Variants in TMEM132D observed in about 807,000 individuals in gnomAD.
TMEM132D encodes the protein mature OL transmembrane protein.
TMEM132D carries 21 observed loss-of-function variants against 62.3 expected under a neutral mutation model. The observed-to-expected ratio is 0.34, with a 90% CI of 0.24 to 0.49. The LOEUF is 0.49. Among genes scored for constraint, TMEM132D ranks in the 20% least tolerant of loss-of-function variants. The pLI, the probability that TMEM132D is intolerant of heterozygous loss-of-function variation, is 0.99. For synonymous variants in TMEM132D, 621 were observed against 575.6 expected, an observed-to-expected ratio of 1.08 and a Z score of -1.13; for missense variants, 1,346 against 1,402.8, an observed-to-expected ratio of 0.96 and a Z score of 0.65.
At chr12:129,307,473 T>C (rs1427311492) in intron 4 of TMEM132D, among the ~76,000 whole-genome samples, 1 of 152,192 alleles carries the variant, frequency 6.6e-6, no homozygotes, top group Non-Finnish European at 1.5e-5. Flanking sequence ...TTTAAAACCT[T>C]AGCCCTTCTA....
chr12:129,205,521 T>C (rs1355046478), intron 5 of TMEM132D, among the ~76,000 whole-genome samples: 1 of 152,148 alleles, frequency 6.6e-6, no homozygotes, highest in Non-Finnish European at 1.5e-5. Context: ...TAAAGCAAGT[T>C]CTTAGAGACC....
chr12:129,579,569 A>G (rs1877782727), intron 2 of TMEM132D, among the ~76,000 whole-genome samples: 1 of 152,200 alleles, frequency 6.6e-6, no homozygotes, highest in Non-Finnish European at 1.5e-5. Flanking sequence ...TAAATCCAAG[A>G]GTCCAAAAGC....
chr12:129,517,301 A>G (rs1211834017), intron 3 of TMEM132D, among the ~76,000 whole-genome samples: 1 of 152,196 alleles, frequency 6.6e-6, no homozygotes, highest in Non-Finnish European at 1.5e-5. Flanking sequence ...CAAGTTGGTT[A>G]AATTGAAACA....
chr12:129,845,255 C>T (rs1166002834), intron 1 of TMEM132D, among the ~76,000 whole-genome samples: 1 of 152,148 alleles, frequency 6.6e-6, no homozygotes, highest in Non-Finnish European at 1.5e-5. Context: ...ATCAAAACAA[C>T]ACTTCCCTAT....
intron 4 of TMEM132D, among the ~76,000 whole-genome samples, chr12:129,211,730 A>G (rs1037076189): frequency 6.6e-6 from 1 of 152,240 alleles, no homozygotes; most frequent in Admixed American, 6.5e-5. Flanking sequence ...CCATGTTTCA[A>G]ACTGTTGGAA....
At chr12:129,256,007 GA>G (rs1473428238) in intron 4 of TMEM132D, among the ~76,000 whole-genome samples, 1 of 152,088 alleles carries the variant, frequency 6.6e-6, no homozygotes, top group East Asian at 1.9e-4. Flanking sequence ...AAGAAAGGAA[GA>G]AGTGCTATTC....
At chr12:129,377,943 C>A (rs150504805) in intron 3 of TMEM132D, among the ~76,000 whole-genome samples, 1 of 152,098 alleles carries the variant, frequency 6.6e-6, no homozygotes. Flanking sequence ...CAGGTTTAAG[C>A]GATAAAAGAT....
At chr12:129,892,695 C>T (rs1874967244) in intron 1 of TMEM132D, among the ~76,000 whole-genome samples, 1 of 152,120 alleles carries the variant, frequency 6.6e-6, no homozygotes, top group Non-Finnish European at 1.5e-5. Context: ...ACGCAGGCCA[C>T]ATCATCTCCC....
intron 4 of TMEM132D, among the ~76,000 whole-genome samples, chr12:129,302,165 C>T (rs188850384): frequency 4.6e-5 from 7 of 152,264 alleles, no homozygotes; most frequent in Admixed American, 2.0e-4. Context: ...GCCAGGCTGG[C>T]GTGCAATGGC....
rs958270060 is a variant in TMEM132D, at chr12:129,481,175, CA to C, written c.1115+49883del. On this transcript the variant is annotated intron_variant, in intron 3 of 8. Transcript: ENST00000422113. ...AGAACTTAAGGAAGAGTTTAACATA[CA>C]AAAAAAAAGAAAAAAAAGAAAAAAT... Among the ~76,000 whole-genome samples the C allele has an allele frequency of 4.1e-5, 6 of 147,986 alleles. No individual in the cohort carries two copies. The East Asian group carries it at 7.8e-4, about 19-fold the overall frequency.
chr12:129,796,652 TCTCA>T (rs1257647029), intron 1 of TMEM132D, among the ~76,000 whole-genome samples: 1 of 152,054 alleles, frequency 6.6e-6, no homozygotes, highest in Admixed American at 6.6e-5. Flanking sequence ...CATCGTGCGT[TCTCA>T]CTCATAAGGG....
chr12:129,824,358 A>T (rs1344973339), intron 1 of TMEM132D, among the ~76,000 whole-genome samples: 1 of 152,044 alleles, frequency 6.6e-6, no homozygotes, highest in Non-Finnish European at 1.5e-5. Context: ...GGCTAGGAAG[A>T]CTCAGTCCTG....
chr12:129,481,355 C>T (rs548185654), intron 3 of TMEM132D, among the ~76,000 whole-genome samples: 1 of 150,696 alleles, frequency 6.6e-6, no homozygotes, highest in East Asian at 2.0e-4. Context: ...CCCAGCTACT[C>T]GGGAGGCTGA....
At chr12:129,330,619 G>A (rs1022148908) in intron 4 of TMEM132D, among the ~76,000 whole-genome samples, 20 of 152,188 alleles carry the variant, frequency 1.3e-4, no homozygotes, top group Non-Finnish European at 2.6e-4. Context: ...AGAGAGACCT[G>A]AGACAGCACA....
intron 1 of TMEM132D, among the ~76,000 whole-genome samples, chr12:129,770,771 T>G (rs549767498): frequency 6.6e-6 from 1 of 152,178 alleles, no homozygotes; most frequent in Non-Finnish European, 1.5e-5. Flanking sequence ...TATAATAAAG[T>G]CTTGAATAGC....
At chr12:129,329,774 G>A (rs1258187154) in intron 4 of TMEM132D, among the ~76,000 whole-genome samples, 1 of 152,132 alleles carries the variant, frequency 6.6e-6, no homozygotes, top group Non-Finnish European at 1.5e-5. Flanking sequence ...GGAGGACAGG[G>A]GTTGAGCATA....
intron 3 of TMEM132D, among the ~76,000 whole-genome samples, chr12:129,374,268 T>TGAGAGAGA (rs1566048946): frequency 7.1e-5 from 2 of 28,276 alleles, no homozygotes; most frequent in African/African-American, 2.5e-4. Context: ...ACCTCACACA[T>TGAGAGAGA]CAGAGAGAGA....
At position 129,772,242 on chromosome 12, in the gene TMEM132D, C is replaced by A. The variant is rs79308449; in HGVS notation, c.80-71544G>T. On this transcript the variant is annotated intron_variant, in intron 1 of 8. Coordinates refer to ENST00000422113, the MANE Select transcript of TMEM132D (RefSeq NM_133448.3). The stretch of plus-strand genomic sequence containing the variant: ...TTTTCCTTTGAGTACTTTCATACAC[C>A]TATAATTTAAATTGATTAAGATATG... Among the ~76,000 whole-genome samples the A allele has an allele frequency of 3.2e-3, 491 of 152,188 alleles. 4 individuals carry two copies. Among genetic ancestry groups the A allele is most frequent in the African/African-American group, 0.011 (475 of 41,520 alleles).
At chr12:129,674,887 T>C (rs1880591846) in intron 2 of TMEM132D, among the ~76,000 whole-genome samples, 1 of 152,282 alleles carries the variant, frequency 6.6e-6, no homozygotes, top group East Asian at 1.9e-4. Context: ...GACTTTCTCA[T>C]GTAGGATTTG....
Sources: gnomAD v4.1 joint callset for allele counts (sites outside exome capture counted in the v4.1 genomes callset) on GRCh38, gnomAD v4.1.1 for gene constraint, MANE v1.5 for transcripts, NCBI Gene and HGNC (gene_info 2026-07-23, HGNC 2026-07-21) for gene names.